FHIT: variants seen among roughly 807,000 people sequenced by gnomAD.
FHIT encodes the protein bis(5'-adenosyl)-triphosphatase.
In FHIT, 19 loss-of-function variants were observed where a neutral mutation model predicts 17.9. That is an observed-to-expected ratio of 1.06 (90% CI 0.74 to 1.56). The LOEUF (loss-of-function observed/expected upper bound fraction) is 1.56, where lower values mean the gene tolerates loss of function less well. Ranked by LOEUF, FHIT falls within the 40% of genes most tolerant of loss-of-function variation. The pLI is 0.00. For synonymous variants in FHIT, 81 were observed against 69.7 expected, an observed-to-expected ratio of 1.16 and a Z score of -0.81; for missense variants, 248 against 189.2, an observed-to-expected ratio of 1.31 and a Z score of -1.82.
chr3:60,392,918 G>C (rs971099386), intron 5 of FHIT, among the ~76,000 whole-genome samples: 2 of 152,088 alleles, frequency 1.3e-5, no homozygotes, highest in African/African-American at 4.8e-5. Flanking sequence ...TATTATGAGA[G>C]TCTTTCGGGA....
intron 2 of FHIT, among the ~76,000 whole-genome samples, chr3:61,045,503 C>T (rs558526240): frequency 6.0e-4 from 92 of 152,190 alleles, no homozygotes; most frequent in African/African-American, 2.1e-3. Flanking sequence ...ACCTTAGAGA[C>T]TTAAAAAGAG....
intron 5 of FHIT, among the ~76,000 whole-genome samples, chr3:60,520,923 T>G (rs946662948): frequency 1.2e-4 from 18 of 152,228 alleles, no homozygotes; most frequent in Non-Finnish European, 2.2e-4. Context: ...GGTGAGTTTG[T>G]TTGGTTGGGT....
At chr3:60,969,097 T>C (rs181093697) in intron 3 of FHIT, among the ~76,000 whole-genome samples, 287 of 152,254 alleles carry the variant, frequency 1.9e-3, no homozygotes, top group Non-Finnish European at 3.3e-3. Flanking sequence ...TGAGTTTACA[T>C]ATAACTGATA....
intron 4 of FHIT, among the ~76,000 whole-genome samples, chr3:60,695,834 A>G (rs1448507977): frequency 1.3e-5 from 2 of 152,194 alleles, no homozygotes; most frequent in African/African-American, 4.8e-5. Flanking sequence ...GGAAGTAATA[A>G]TAACCATTAT....
intron 8 of FHIT, among the ~76,000 whole-genome samples, chr3:59,814,710 G>C (rs1183336307): frequency 2.0e-5 from 3 of 152,112 alleles, no homozygotes; most frequent in Non-Finnish European, 4.4e-5. Flanking sequence ...AGAGCATCCG[G>C]CCTGTGCTAG....
At chr3:60,730,347 T>G (rs1429197073) in intron 4 of FHIT, 1 of 260,874 alleles carries the variant, frequency 3.8e-6, no homozygotes, top group African/African-American at 2.3e-5. Context: ...TCACTATCTT[T>G]GGAGTCATGG....
rs139330099 is a variant in FHIT at position 60,583,160 on chromosome 3, A to C, written c.-17-46181T>G. Among the ~76,000 whole-genome samples the C allele has an allele frequency of 2.8e-4, 43 of 152,038 alleles. No homozygotes were observed. The East Asian group carries it at 7.8e-3, about 27-fold the overall frequency. On this transcript the variant is annotated intron_variant, in intron 4 of 9. Transcript: ENST00000492590. Reference sequence around the variant, plus strand: ...AAGGAGGTGATTCGGGCAGAATGAGAAATTCCTTATTCTCCTTACTGGTTT... The same window carrying C: ...AAGGAGGTGATTCGGGCAGAATGAGCAATTCCTTATTCTCCTTACTGGTTT...
Position 60,571,039 on chromosome 3 carries a change from G to C in FHIT, c.-17-34060C>G, listed in dbSNP as rs114352868. Among the ~76,000 whole-genome samples the C allele has an allele frequency of 3.7e-3, 559 of 151,978 alleles. 8 individuals carry two copies. The highest frequency in any genetic ancestry group is 0.013 in the African/African-American group (539 of 41,508). On this transcript the variant is annotated intron_variant, in intron 4 of 9. Transcript: ENST00000492590. Reference sequence around the variant, plus strand: ...ACCACAAGCTGTTATTAGGAACACTGAATAGAGGCTGGGCACAGTGGCTCT... The same window carrying C: ...ACCACAAGCTGTTATTAGGAACACTCAATAGAGGCTGGGCACAGTGGCTCT...
chr3:60,228,929 A>G (rs906085439), intron 5 of FHIT, among the ~76,000 whole-genome samples: 1 of 152,198 alleles, frequency 6.6e-6, no homozygotes, highest in African/African-American at 2.4e-5. Context: ...ATGAAGAAAC[A>G]TCAGTAAAGG....
chr3:59,977,123 G>C (rs57561694), intron 7 of FHIT, among the ~76,000 whole-genome samples: 22,458 of 152,062 alleles, frequency 0.15, 1,804 homozygotes, highest in South Asian at 0.19. Flanking sequence ...GGAACCAAAA[G>C]ACATTAAGAT....
At chr3:60,091,390 A>G (rs1703723768) in intron 5 of FHIT, among the ~76,000 whole-genome samples, 2 of 152,206 alleles carry the variant, frequency 1.3e-5, no homozygotes, top group African/African-American at 4.8e-5. Context: ...TTCAGGTTCT[A>G]GAACTTGCTG....
At chr3:59,953,451 A>T (rs1559494085) in intron 7 of FHIT, among the ~76,000 whole-genome samples, 1 of 152,212 alleles carries the variant, frequency 6.6e-6, no homozygotes, top group East Asian at 1.9e-4. Flanking sequence ...TTAGCCGCAC[A>T]TGATTCCCGG....
chr3:60,307,151 A>C (rs972567805), intron 5 of FHIT, among the ~76,000 whole-genome samples: 2 of 152,196 alleles, frequency 1.3e-5, no homozygotes, highest in Non-Finnish European at 2.9e-5. Flanking sequence ...TGACTGCAAT[A>C]AGGCTCTCAT....
At chr3:60,101,323 C>T (rs1218823202) in intron 5 of FHIT, among the ~76,000 whole-genome samples, 3 of 152,244 alleles carry the variant, frequency 2.0e-5, no homozygotes, top group Non-Finnish European at 2.9e-5. Flanking sequence ...CTCTCCCTCA[C>T]ACCTCCTGCA....
intron 4 of FHIT, among the ~76,000 whole-genome samples, chr3:60,581,377 T>A (rs542264010): frequency 1.2e-4 from 19 of 152,228 alleles, no homozygotes; most frequent in Admixed American, 1.0e-3. Context: ...ACCTCTATCA[T>A]ATGCTGTCTT....
intron 5 of FHIT, among the ~76,000 whole-genome samples, chr3:60,483,851 T>G (rs2107482028): frequency 6.6e-6 from 1 of 152,230 alleles, no homozygotes; most frequent in African/African-American, 2.4e-5. Context: ...GAGAAAGAAA[T>G]AAAGAGTATT....
At chr3:60,041,686 C>T (rs1372567409) in intron 5 of FHIT, among the ~76,000 whole-genome samples, 2 of 152,190 alleles carry the variant, frequency 1.3e-5, no homozygotes, top group Non-Finnish European at 2.9e-5. Flanking sequence ...GGAGAAGATG[C>T]TACCTGAGAC....
chr3:60,767,060 G>A (rs1217002040), intron 4 of FHIT, among the ~76,000 whole-genome samples: 10 of 152,074 alleles, frequency 6.6e-5, no homozygotes, highest in Non-Finnish European at 2.9e-5. Flanking sequence ...ACTCATCGCT[G>A]ACCCATTTGG....
chr3:60,490,307 T>C (rs1222851125), intron 5 of FHIT, among the ~76,000 whole-genome samples: 2 of 152,116 alleles, frequency 1.3e-5, no homozygotes, highest in African/African-American at 2.4e-5. Flanking sequence ...TGCTTCAAAA[T>C]AAACTCTCAC....
Sources: gnomAD v4.1 joint callset for allele counts (sites outside exome capture counted in the v4.1 genomes callset) on GRCh38, gnomAD v4.1.1 for gene constraint, MANE v1.5 for transcripts, NCBI Gene and HGNC (gene_info 2026-07-23, HGNC 2026-07-21) for gene names.